HCRTR2: variants seen among roughly 807,000 people sequenced by gnomAD.
The protein encoded by HCRTR2 is hypocretin receptor 2, also known as orexin receptor type 2.
In HCRTR2, 22 loss-of-function variants were observed where a neutral mutation model predicts 49.0. The ratio of observed to expected loss-of-function variants is 0.45; its 90% confidence interval spans 0.32 to 0.64. The LOEUF (loss-of-function observed/expected upper bound fraction) is 0.64. Among genes scored for constraint, HCRTR2 ranks in the 30% least tolerant of loss-of-function variants. The pLI is 0.04. For synonymous variants in HCRTR2, 236 were observed against 205.3 expected, an observed-to-expected ratio of 1.15 and a Z score of -1.28; for missense variants, 491 against 559.4, an observed-to-expected ratio of 0.88 and a Z score of 1.23.
At chr6:55,178,943 A>G (rs192101881) in intron 1 of HCRTR2, among the ~76,000 whole-genome samples, 50 of 152,308 alleles carry the variant, frequency 3.3e-4, no homozygotes, top group Admixed American at 7.8e-4. Flanking sequence ...GTTTTAAATA[A>G]CACACACATT....
chr6:55,151,509 T>A (rs1214959362), intron 1 of HCRTR2, among the ~76,000 whole-genome samples: 1 of 152,028 alleles, frequency 6.6e-6, no homozygotes, highest in Non-Finnish European at 1.5e-5. Flanking sequence ...AGTCACATCT[T>A]CAGGCTCCAC....
intron 1 of HCRTR2, among the ~76,000 whole-genome samples, chr6:55,146,579 T>C (rs1237954276): frequency 7.0e-6 from 1 of 142,324 alleles, no homozygotes; most frequent in Non-Finnish European, 1.5e-5. Flanking sequence ...AAAGGTTAGT[T>C]AAAAAAAAAA....
chr6:55,276,483 T>A lies in HCRTR2; in HGVS notation c.763-897T>A, dbSNP rs143583397. On this transcript the variant is annotated intron_variant, in intron 4 of 6. Coordinates refer to ENST00000370862, the MANE Select transcript of HCRTR2 (RefSeq NM_001384272.1). ...GAGACAGAAAGTAAAAGCTGAATAATCTTAACAGAGCTAAGGTGGCCTTTT... is the reference window on the plus strand; with the variant it reads ...GAGACAGAAAGTAAAAGCTGAATAAACTTAACAGAGCTAAGGTGGCCTTTT... Among the ~76,000 whole-genome samples the A allele has an allele frequency of 4.5e-3, 682 of 152,330 alleles. 2 individuals carry two copies. The highest frequency in any genetic ancestry group is 0.015 in the African/African-American group (628 of 41,584).
intron 1 of HCRTR2, among the ~76,000 whole-genome samples, chr6:55,125,582 T>G (rs562360742): frequency 6.6e-6 from 1 of 152,288 alleles, no homozygotes; most frequent in South Asian, 2.1e-4. Flanking sequence ...AATATGATGA[T>G]TCTGTGTCTT....
At chr6:55,270,736 C>CTAA in intron 4 of HCRTR2, among the ~76,000 whole-genome samples, 1 of 152,066 alleles carries the variant, frequency 6.6e-6, no homozygotes, top group Non-Finnish European at 1.5e-5. Context: ...AGACTTAAGT[C>CTAA]ACATCTACAA....
intron 1 of HCRTR2, among the ~76,000 whole-genome samples, chr6:55,243,034 A>G (rs929019057): frequency 6.6e-6 from 1 of 151,866 alleles, no homozygotes; most frequent in Non-Finnish European, 1.5e-5. Context: ...GCCACTTTCC[A>G]TGTCTTACGG....
At chr6:55,267,052 C>T (rs1766873012) in intron 4 of HCRTR2, among the ~76,000 whole-genome samples, 1 of 152,102 alleles carries the variant, frequency 6.6e-6, no homozygotes, top group African/African-American at 2.4e-5. Flanking sequence ...ATACCAAGTT[C>T]AGCTGAACTC....
At chr6:55,219,900 C>A (rs1765857947) in intron 1 of HCRTR2, among the ~76,000 whole-genome samples, 1 of 151,894 alleles carries the variant, frequency 6.6e-6, no homozygotes, top group Admixed American at 6.6e-5. Context: ...TAAAGATTTG[C>A]AGGCTATTCT....
At chr6:55,120,907 G>A (rs76577292) in intron 1 of HCRTR2, among the ~76,000 whole-genome samples, 21 of 152,052 alleles carry the variant, frequency 1.4e-4, no homozygotes, top group East Asian at 9.7e-4. Context: ...GTCAGGTAGC[G>A]TGATGCCTCC....
intron 1 of HCRTR2, among the ~76,000 whole-genome samples, chr6:55,210,931 G>A (rs957246059): frequency 2.0e-5 from 3 of 152,106 alleles, no homozygotes; most frequent in African/African-American, 4.8e-5. Context: ...TTTGGTCAAC[G>A]ACAGACTGCA....
intron 5 of HCRTR2, among the ~76,000 whole-genome samples, chr6:55,280,086 T>C (rs1767159491): frequency 6.6e-6 from 1 of 152,200 alleles, no homozygotes; most frequent in Admixed American, 6.5e-5. Flanking sequence ...ATCTGCTATT[T>C]GTGGGAGGGA....
At chr6:55,268,533 C>G (rs181086635) in intron 4 of HCRTR2, among the ~76,000 whole-genome samples, 18 of 151,578 alleles carry the variant, frequency 1.2e-4, no homozygotes, top group Admixed American at 1.2e-3. Flanking sequence ...AGAAGTAGTA[C>G]TAAAATAATC....
intron 4 of HCRTR2, among the ~76,000 whole-genome samples, chr6:55,271,022 CT>C (rs1167480635): frequency 6.6e-6 from 1 of 152,076 alleles, no homozygotes; most frequent in Non-Finnish European, 1.5e-5. Flanking sequence ...TCCCAGATGG[CT>C]TTGTATTTTG....
intron 1 of HCRTR2, among the ~76,000 whole-genome samples, chr6:55,109,951 A>G (rs939104615): frequency 6.6e-6 from 1 of 152,190 alleles, no homozygotes; most frequent in African/African-American, 2.4e-5. Flanking sequence ...GAATGAAAGA[A>G]TCTTAAGAGC....
chr6:55,280,962 C>T (rs745418884), intron 6 of HCRTR2, among the ~76,000 whole-genome samples: 7 of 152,100 alleles, frequency 4.6e-5, no homozygotes, highest in Non-Finnish European at 1.0e-4. Flanking sequence ...AAATGATACA[C>T]ACATACATAT....
intron 1 of HCRTR2, among the ~76,000 whole-genome samples, chr6:55,224,369 G>C (rs181691937): frequency 4.0e-4 from 61 of 152,208 alleles, no homozygotes; most frequent in African/African-American, 1.5e-3. Context: ...TGTAATCGCA[G>C]CACTTTGGGA....
At chr6:55,203,291 A>C (rs572416491) in intron 1 of HCRTR2, among the ~76,000 whole-genome samples, 3 of 152,286 alleles carry the variant, frequency 2.0e-5, no homozygotes, top group Admixed American at 2.0e-4. Context: ...GAATAGCTTA[A>C]TTTTTCCTGA....
At chr6:55,273,453 A>G (rs1767013514) in intron 4 of HCRTR2, among the ~76,000 whole-genome samples, 1 of 151,966 alleles carries the variant, frequency 6.6e-6, no homozygotes, top group Non-Finnish European at 1.5e-5. Context: ...TCCAGCCACA[A>G]ACTTAACTTT....
At chr6:55,266,448 C>T (rs990803010) in intron 4 of HCRTR2, among the ~76,000 whole-genome samples, 2 of 151,946 alleles carry the variant, frequency 1.3e-5, no homozygotes, top group Admixed American at 6.6e-5. Flanking sequence ...CCAGTTACTC[C>T]GATAAACATT....
Sources: gnomAD v4.1 joint callset for allele counts (sites outside exome capture counted in the v4.1 genomes callset) on GRCh38, gnomAD v4.1.1 for gene constraint, MANE v1.5 for transcripts, NCBI Gene and HGNC (gene_info 2026-07-23, HGNC 2026-07-21) for gene names.